The following TENT2 variants were observed in gnomAD, a reference collection of about 807,000 sequenced individuals.
TENT2 encodes poly(A) RNA polymerase GLD2.
TENT2 carries 44 observed loss-of-function variants against 72.2 expected under a neutral mutation model. The observed-to-expected ratio is 0.61, with a 90% CI of 0.48 to 0.78. The LOEUF (loss-of-function observed/expected upper bound fraction) is 0.78, where lower values mean the gene tolerates loss of function less well. Ranked by LOEUF, TENT2 falls within the 30% of genes least tolerant of loss-of-function variation. The pLI, the probability that TENT2 is intolerant of heterozygous loss-of-function variation, is 0.00. For synonymous variants in TENT2, 212 were observed against 192.5 expected (o/e 1.10, Z -0.84); for missense variants, 541 against 569.6 (o/e 0.95, Z 0.51).
intron 12 of TENT2, among the ~76,000 whole-genome samples, chr5:79,678,910 C>G (rs1819529889): frequency 6.7e-6 from 1 of 150,094 alleles, no homozygotes; most frequent in Admixed American, 6.6e-5. Flanking sequence ...CTTTTCTTTT[C>G]TTTTTTCTTT....
chr5:79,644,945 T>A (rs1787626649), intron 7 of TENT2, 178 bp from the exon 8 acceptor site: 2 of 507,188 alleles, frequency 3.9e-6, no homozygotes, highest in Non-Finnish European at 7.0e-6. Flanking sequence ...CCCTAAATGG[T>A]ATTACTGGAG....
At chr5:79,620,219 A>G in intron 3 of TENT2, 136 bp downstream of exon 3, 2 of 518,854 alleles carry the variant, frequency 3.9e-6, no homozygotes, top group Non-Finnish European at 6.7e-6. Flanking sequence ...CAGATGAGTC[A>G]TGGAATTTTA....
intron 3 of TENT2, 149 bp downstream of exon 3, chr5:79,620,232 A>G (rs1763671672): frequency 8.1e-6 from 4 of 493,444 alleles, no homozygotes; most frequent in Middle Eastern, 1.1e-3. Flanking sequence ...GAATTTTAAC[A>G]TTTTTATGCG....
Position 79,670,037 on chromosome 5 carries a change from C to G in TENT2, c.1208+1009C>G, listed in dbSNP as rs778601167. On this transcript the variant is annotated intron_variant, in intron 12 of 14. Transcript: ENST00000453514. ...GAGTTCGAGACCAGCCAGACCAACA[C>G]GGAGAAACCCCTTCTCTACTAAAAA... Among the ~76,000 whole-genome samples, 86 of 151,696 alleles carry G rather than the reference C, an allele frequency of 5.7e-4. 1 individual carries two copies. The Middle Eastern group carries it at 0.017, about 30-fold the overall frequency.
In TENT2 at chr5:79,679,591, A is replaced by G; in HGVS notation, c.1221A>G (p.Gln407=). 6.3e-7 allele frequency: 1 copy of G among 1,596,564 alleles called. No individual in the cohort carries two copies. The highest frequency in any genetic ancestry group is 8.5e-7 in the Non-Finnish European group (1 of 1,170,596). Residue 407 remains glutamine, a synonymous_variant, in exon 13 of 15, where the codon CAA becomes CAG. Transcript: ENST00000453514. ...TTTCTTCTTATAGCTGGAATAGTCA[A>G]ATGATTTCAGTTCGTGAAGCCAAAG... The part of the protein sequence containing the change: ...YYATEFDWNS[Q]MISVREAKAI...
chr5:79,672,790 G>A (rs1264748699), intron 12 of TENT2, among the ~76,000 whole-genome samples: 1 of 152,220 alleles, frequency 6.6e-6, no homozygotes, highest in Non-Finnish European at 1.5e-5. Context: ...TATGTCTTCA[G>A]TATCCTGATT....
At chr5:79,651,769 G>T (rs1025216402) in intron 10 of TENT2, among the ~76,000 whole-genome samples, 1 of 152,010 alleles carries the variant, frequency 6.6e-6, no homozygotes, top group Non-Finnish European at 1.5e-5. Context: ...TTTGTCTGGA[G>T]ATAGGGTGCC....
intron 4 of TENT2, among the ~76,000 whole-genome samples, chr5:79,633,126 A>G (rs1168590327): frequency 2.0e-5 from 3 of 152,194 alleles, no homozygotes; most frequent in Non-Finnish European, 4.4e-5. Flanking sequence ...TTGATGGGAA[A>G]GGGAATTGAC....
rs1277104889 is a variant in TENT2 at position 79,632,396 on chromosome 5, A to G, written c.466-8455A>G. Among the ~76,000 whole-genome samples the G allele has an allele frequency of 3.3e-5, 5 of 152,190 alleles. No individual in the cohort carries two copies. The South Asian group carries it at 1.0e-3, about 32-fold the overall frequency. ...AAGTAGAAATCTGAGTTATTCCTGA[A>G]TTTTAACTTTTGTTTTTACTCTAGG... is the stretch of plus-strand genomic sequence containing the variant. On this transcript the variant is annotated intron_variant, in intron 4 of 14. Coordinates refer to ENST00000453514, the MANE Select transcript of TENT2 (RefSeq NM_001114394.3).
chr5:79,623,172 A>C, intron 3 of TENT2, 80 bp from the exon 4 acceptor site: 1 of 921,272 alleles, frequency 1.1e-6, no homozygotes, highest in Non-Finnish European at 1.6e-6. Context: ...CTCTTATGAT[A>C]TTTATATATA....
chr5:79,615,631 A>ATTCTT, intron 1 of TENT2, among the ~76,000 whole-genome samples: 1 of 152,174 alleles, frequency 6.6e-6, no homozygotes, highest in African/African-American at 2.4e-5. Flanking sequence ...AAGGCCAAGA[A>ATTCTT]GGAGTGTGAG....
chr5:79,658,348 T>C (rs564649746), intron 11 of TENT2, among the ~76,000 whole-genome samples: 79 of 151,558 alleles, frequency 5.2e-4, no homozygotes, highest in Admixed American at 9.2e-4. Flanking sequence ...TTTGAATCTT[T>C]TTATTTATTC....
intron 4 of TENT2, among the ~76,000 whole-genome samples, chr5:79,629,154 G>GT (rs942043225): frequency 2.6e-5 from 4 of 152,132 alleles, no homozygotes; most frequent in South Asian, 2.1e-4. Context: ...ATACTGAGGG[G>GT]TTTTTTCTTT....
intron 4 of TENT2, among the ~76,000 whole-genome samples, chr5:79,624,902 C>T (rs1768173257): frequency 6.6e-6 from 1 of 152,144 alleles, no homozygotes; most frequent in Non-Finnish European, 1.5e-5. Flanking sequence ...CATATGTTTT[C>T]ACCTCTCTTG....
At chr5:79,648,781 AGTTGT>A in intron 9 of TENT2, 88 bp downstream of exon 9, 1 of 1,031,262 alleles carries the variant, frequency 9.7e-7, no homozygotes. Context: ...ACATCTCTTT[AGTTGT>A]GTTTAAGTAT....
intron 4 of TENT2, among the ~76,000 whole-genome samples, chr5:79,624,563 C>T (rs1389129794): frequency 6.6e-6 from 1 of 152,070 alleles, no homozygotes; most frequent in Non-Finnish European, 1.5e-5. Context: ...AACCTTGTAC[C>T]CAATAACAGT....
chr5:79,639,046 A>G (rs1005620094), intron 4 of TENT2, among the ~76,000 whole-genome samples: 1 of 152,186 alleles, frequency 6.6e-6, no homozygotes, highest in African/African-American at 2.4e-5. Flanking sequence ...CAGGACTGAA[A>G]TACTGGTAGA....
At chr5:79,624,509 A>G (rs1305210756) in intron 4 of TENT2, among the ~76,000 whole-genome samples, 4 of 152,136 alleles carry the variant, frequency 2.6e-5, no homozygotes, top group East Asian at 3.8e-4. Flanking sequence ...AAGTTGTGCA[A>G]CTGTACTATC....
chr5:79,681,380 G>A (rs1370621471), intron 13 of TENT2, among the ~76,000 whole-genome samples: 4 of 151,492 alleles, frequency 2.6e-5, no homozygotes, highest in Admixed American at 1.3e-4. Flanking sequence ...GGATGGTCTC[G>A]ATCTCTTGAC....
Sources: allele counts gnomAD v4.1 joint callset (sites outside exome capture counted in the v4.1 genomes callset), GRCh38; gene constraint gnomAD v4.1.1; transcripts MANE v1.5; gene names NCBI Gene and HGNC (gene_info 2026-07-23, HGNC 2026-07-21).